The following RAC2 variants were observed in gnomAD, a reference collection of about 807,000 sequenced individuals.
RAC2 encodes ras-related C3 botulinum toxin substrate 2.
In RAC2, 1 loss-of-function variant was observed where a neutral mutation model predicts 24.0. The observed-to-expected ratio is 0.04, with a 90% CI of 0.01 to 0.20. The LOEUF is 0.20. Ranked by LOEUF, RAC2 falls within the 10% of genes least tolerant of loss-of-function variation. The pLI is 1.00. For missense variants in RAC2, 130 were observed against 259.1 expected, an observed-to-expected ratio of 0.50 and a Z score of 3.42; for synonymous variants, 114 against 106.8, an observed-to-expected ratio of 1.07 and a Z score of -0.41.
At chr22:37,234,136 G>T (rs1028303744) in intron 2 of RAC2, among the ~76,000 whole-genome samples, 2 of 152,236 alleles carry the variant, frequency 1.3e-5, no homozygotes, top group East Asian at 3.8e-4. Flanking sequence ...CAGAGCCAGC[G>T]CTGGGGCCAC....
At chr22:37,235,141 C>T (rs1417888248) in intron 2 of RAC2, among the ~76,000 whole-genome samples, 2 of 152,156 alleles carry the variant, frequency 1.3e-5, no homozygotes, top group Admixed American at 1.3e-4. Context: ...CAATGTTAGG[C>T]TGCAGAAGCG....
In RAC2 at chr22:37,231,407, G is replaced by T. The variant is rs1320321893; in HGVS notation, c.289-17C>A. 6.2e-7 allele frequency: 1 copy of T among 1,613,710 alleles called. No individual in the cohort carries two copies. The highest frequency in any genetic ancestry group is 1.3e-5 in the African/African-American group (1 of 75,028). On this transcript the variant is annotated splice_polypyrimidine_tract_variant and intron_variant, in intron 4 of 6. Transcript: ENST00000249071. This position sits in a 1 kb window ranked among gnomAD's most constrained non-coding sequence, Gnocchi z 5.5. The stretch of plus-strand genomic sequence containing the variant: ...TGGGAACCACTGGGCAGGTGGGTGG[G>T]GGGACACAAGGTTGTATGGGTCAAG...
chr22:37,236,051 A>G (rs1011440422), intron 2 of RAC2, among the ~76,000 whole-genome samples: 9 of 152,224 alleles, frequency 5.9e-5, no homozygotes, highest in African/African-American at 2.2e-4. Flanking sequence ...GGGAACACAG[A>G]GTTCCTTGGG....
intron 2 of RAC2, 152 bp downstream of exon 2, chr22:37,241,435 C>T: frequency 2.3e-6 from 2 of 862,896 alleles, no homozygotes; most frequent in Non-Finnish European, 3.9e-6. Context: ...GCCAGTGCTG[C>T]CTTCTTGGCT....
At chr22:37,232,059 C>A (rs563313414) in intron 3 of RAC2, 65 bp from the exon 4 acceptor site, 2 of 1,513,514 alleles carry the variant, frequency 1.3e-6, no homozygotes, top group Non-Finnish European at 1.8e-6. Flanking sequence ...ATGGCAGCCA[C>A]CGAGAGGTGG....
At chr22:37,235,130 T>C (rs558668305) in intron 2 of RAC2, among the ~76,000 whole-genome samples, 1 of 152,118 alleles carries the variant, frequency 6.6e-6, no homozygotes, top group East Asian at 1.9e-4. Context: ...AGAACGCTAC[T>C]CAATGTTAGG....
At chr22:37,239,367 T>G (rs1338514458) in intron 2 of RAC2, among the ~76,000 whole-genome samples, 1 of 152,158 alleles carries the variant, frequency 6.6e-6, no homozygotes, top group Non-Finnish European at 1.5e-5. Context: ...CCTGTGCAAT[T>G]GGATAGGTGG....
At position 37,231,008 on chromosome 22, in the gene RAC2, C is replaced by A. The variant is rs137954936; in HGVS notation, c.448+223G>T. On this transcript the variant is annotated intron_variant, in intron 5 of 6. Transcript: ENST00000249071. This position sits in a 1 kb window ranked among gnomAD's most constrained non-coding sequence, Gnocchi z 5.5. ...GAATAAGTTACTGAATTCCCCCAAC[C>A]ACCCCAGGAGGCAGGAGCTATCACT... Among the ~76,000 whole-genome samples the A allele has an allele frequency of 6.5e-3, 983 of 152,326 alleles. 7 individuals are homozygous for A. Among genetic ancestry groups the A allele is most frequent in the African/African-American group, 0.019 (780 of 41,576 alleles).
At position 37,231,901 on chromosome 22, in the gene RAC2, G is replaced by C. The variant is rs1424546446; in HGVS notation, c.288+31C>G. 58 of 1,550,512 alleles carry C rather than the reference G, an allele frequency of 3.7e-5. No homozygotes were observed. Among genetic ancestry groups the C allele is most frequent in the Non-Finnish European group, 5.1e-5 (58 of 1,146,248 alleles). ...CTGTCCCTCAGGGTTACCTGCCCCA[G>C]AGCCCCCAAGGCCCACCCTGTCCAG... On this transcript the variant is annotated intron_variant, in intron 4 of 6. Transcript: ENST00000249071. The surrounding 1 kb of genome is among the most constrained non-coding windows in gnomAD (Gnocchi z 5.5).
intron 2 of RAC2, among the ~76,000 whole-genome samples, chr22:37,233,717 G>A (rs1170230184): frequency 6.6e-6 from 1 of 152,218 alleles, no homozygotes; most frequent in Non-Finnish European, 1.5e-5. Context: ...GAGTGGGGAG[G>A]AATAAAGGAG....
At chr22:37,243,725 A>G (rs1163676698) in intron 1 of RAC2, among the ~76,000 whole-genome samples, 1 of 152,224 alleles carries the variant, frequency 6.6e-6, no homozygotes, top group Non-Finnish European at 1.5e-5. Flanking sequence ...CAGTGACGAC[A>G]GCCCAGGTCA....
rs138811708 is a variant in RAC2 at position 37,231,829 on chromosome 22, G to T, written c.288+103C>A. 6 of 1,355,308 alleles carry T rather than the reference G, an allele frequency of 4.4e-6. 1 individual carries two copies. Among genetic ancestry groups the T allele is most frequent in the Admixed American group, 4.0e-5 (2 of 50,484 alleles). The allele number at this position is 1,355,308 out of a possible 1,614,324, so 84.0% of individuals were successfully genotyped here. A position where few individuals can be genotyped will look rare whatever the true frequency, so the allele number is the denominator to read the frequency against. ...GGCACTGGGGACCCTCTCTGTATGC[G>T]ACCTCTGCTGCCCCAGGGACCAGCC... On this transcript the variant is annotated intron_variant, in intron 4 of 6. Transcript: ENST00000249071. The surrounding 1 kb of genome is among the most constrained non-coding windows in gnomAD (Gnocchi z 5.5).
Position 37,231,213 on chromosome 22 carries a change from T to C in RAC2, c.448+18A>G, listed in dbSNP as rs1416523861. 2 of 1,612,532 alleles carry C rather than the reference T, an allele frequency of 1.2e-6. No homozygotes were observed. The highest frequency in any genetic ancestry group is 1.7e-6 in the Non-Finnish European group (2 of 1,179,958). The stretch of plus-strand genomic sequence containing the variant: ...CTCCCCTGCAGCCAGATCGCCCCTC[T>C]GAGCCCGAGGCCCATACCAATCTCC... On this transcript the variant is annotated intron_variant, in intron 5 of 6. Transcript: ENST00000249071. This position sits in a 1 kb window ranked among gnomAD's most constrained non-coding sequence, Gnocchi z 5.5.
chr22:37,232,585 G>A (rs1404102657), intron 3 of RAC2: 3 of 591,998 alleles, frequency 5.1e-6, no homozygotes, highest in Non-Finnish European at 9.2e-6. Flanking sequence ...GGGGTGGGAA[G>A]ATGGGCACAT....
intron 2 of RAC2, among the ~76,000 whole-genome samples, chr22:37,238,460 G>A (rs1194628151): frequency 6.6e-6 from 1 of 152,018 alleles, no homozygotes; most frequent in African/African-American, 2.4e-5. Context: ...GGCTGGTCTC[G>A]AACTCATGGG....
At position 37,234,004 on chromosome 22, in the gene RAC2, G is replaced by A. The variant is rs151310685; in HGVS notation, c.108-1086C>T. Among the ~76,000 whole-genome samples, 539 of 152,336 alleles carry A rather than the reference G, an allele frequency of 3.5e-3. 4 individuals are homozygous for A. Among genetic ancestry groups the A allele is most frequent in the African/African-American group, 0.013 (524 of 41,574 alleles). Reference sequence around the variant, plus strand: ...AAACGGTAGAAAGACACATGCTGCCGAGGAGATGGTGTGAGGCACTGACCT... The same window carrying A: ...AAACGGTAGAAAGACACATGCTGCCAAGGAGATGGTGTGAGGCACTGACCT... On this transcript the variant is annotated intron_variant, in intron 2 of 6. Coordinates refer to ENST00000249071, the MANE Select transcript of RAC2 (RefSeq NM_002872.5).
chr22:37,231,997 G>A lies in RAC2; in HGVS notation c.226-3C>T. 1 of 1,535,162 alleles carries A rather than the reference G, an allele frequency of 6.5e-7. No homozygotes were observed. Among genetic ancestry groups the A allele is most frequent in the Non-Finnish European group, 8.8e-7 (1 of 1,142,394 alleles). Reference sequence around the variant, plus strand: ...GAGAAGCAGATGAGGAAGACGTCCTGGGGACAGAGCAAGCGAGGTTGCTAG... The same window carrying A: ...GAGAAGCAGATGAGGAAGACGTCCTAGGGACAGAGCAAGCGAGGTTGCTAG... On this transcript the variant is annotated splice_region_variant and splice_polypyrimidine_tract_variant and intron_variant, in intron 3 of 6. Transcript: ENST00000249071. This position sits in a 1 kb window ranked among gnomAD's most constrained non-coding sequence, Gnocchi z 5.5.
intron 2 of RAC2, among the ~76,000 whole-genome samples, chr22:37,238,279 C>T (rs1261304358): frequency 1.3e-5 from 2 of 152,070 alleles, no homozygotes; most frequent in Non-Finnish European, 2.9e-5. Flanking sequence ...CTTTGTTGCC[C>T]AGGCTGGAGT....
intron 1 of RAC2, among the ~76,000 whole-genome samples, chr22:37,242,812 C>T (rs1179192521): frequency 6.6e-6 from 1 of 152,224 alleles, no homozygotes; most frequent in Admixed American, 6.5e-5. Flanking sequence ...CAGCCAAAGT[C>T]GGGGCCACAG....
Sources: allele counts gnomAD v4.1 joint callset (sites outside exome capture counted in the v4.1 genomes callset), GRCh38; gene constraint gnomAD v4.1.1; non-coding constraint Gnocchi (gnomAD v3.1); transcripts MANE v1.5; gene names NCBI Gene and HGNC (gene_info 2026-07-23, HGNC 2026-07-21).